The following PHF21A variants were observed in gnomAD, a reference collection of about 807,000 sequenced individuals.
PHF21A encodes PHD finger protein 21A, also known as BHC80a.
In PHF21A, 11 loss-of-function variants were observed where a neutral mutation model predicts 82.5. That is an observed-to-expected ratio of 0.13 (90% CI 0.08 to 0.22). The LOEUF (loss-of-function observed/expected upper bound fraction) is 0.22. Ranked by LOEUF, PHF21A falls within the 10% of genes least tolerant of loss-of-function variation. The pLI, the probability that PHF21A is intolerant of heterozygous loss-of-function variation, is 1.00. For synonymous variants in PHF21A, 297 were observed against 302.8 expected, an observed-to-expected ratio of 0.98 and a Z score of 0.20; for missense variants, 579 against 837.8, an observed-to-expected ratio of 0.69 and a Z score of 3.81.
chr11:45,988,826 G>A lies in PHF21A; in HGVS notation c.154-8860C>T, dbSNP rs572997942. Among the ~76,000 whole-genome samples the A allele has an allele frequency of 1.4e-4, 21 of 152,314 alleles. No homozygotes were observed. The East Asian group carries it at 2.7e-3, about 20-fold the overall frequency. On this transcript the variant is annotated intron_variant, in intron 6 of 18. Coordinates refer to ENST00000676320, the MANE Select transcript of PHF21A (RefSeq NM_001352027.3). ...GAACTGCTTGAACTCAGGAGGTGGAGGTTGCAGTGAGCCATGATCCTGCCA... is the reference window on the plus strand; with the variant it reads ...GAACTGCTTGAACTCAGGAGGTGGAAGTTGCAGTGAGCCATGATCCTGCCA...
At chr11:46,064,675 G>C (rs1311221381) in intron 6 of PHF21A, among the ~76,000 whole-genome samples, 1 of 151,972 alleles carries the variant, frequency 6.6e-6, no homozygotes, top group Non-Finnish European at 1.5e-5. Flanking sequence ...ATATGATTTG[G>C]CCTGTCATTT....
chr11:46,108,914 A>G (rs1307734222), intron 1 of PHF21A, among the ~76,000 whole-genome samples: 2 of 152,186 alleles, frequency 1.3e-5, no homozygotes, highest in Non-Finnish European at 1.5e-5. Flanking sequence ...ATGCTTGGCA[A>G]TGGATATACA....
rs377000937 is a variant in PHF21A, at chr11:45,969,834, C to T, written c.683G>A (p.Arg228His). The change falls in exon 9 of 19, where the codon CGT becomes CAT. Residue 228 changes from arginine to histidine, a missense_variant. By Grantham distance (29) the Arg-to-His change is conservative (BLOSUM62 0). Around this residue, in one of 3 missense-constraint regions of PHF21A, gnomAD observed 410 missense variants for 642.1 expected, o/e 0.64. Transcript: ENST00000676320. ...ACTCACCTGTGGAAGAAAGTTTGGA[C>T]GTGGAGTGAGTCTAGGAGGGGGGAT... The part of the protein sequence containing the change: ...QFIPPPRLTP[R>H]PNFLPQVRPK... The T allele has an allele frequency of 6.8e-6, 11 of 1,612,900 alleles. No individual in the cohort carries two copies. The highest frequency in any genetic ancestry group is 4.0e-5 in the African/African-American group (3 of 74,872).
At chr11:46,108,122 CTATT>C (rs773798520) in intron 1 of PHF21A, among the ~76,000 whole-genome samples, 2 of 152,194 alleles carry the variant, frequency 1.3e-5, no homozygotes, top group Non-Finnish European at 2.9e-5. Context: ...CAATTCTTGC[CTATT>C]TACTTTGTAA....
At chr11:46,025,017 G>A (rs868835306) in intron 6 of PHF21A, among the ~76,000 whole-genome samples, 5 of 151,920 alleles carry the variant, frequency 3.3e-5, no homozygotes, top group African/African-American at 1.2e-4. Flanking sequence ...GTTCCACCTC[G>A]CTTCTTAATC....
At chr11:45,981,251 T>C (rs1270847646) in intron 6 of PHF21A, among the ~76,000 whole-genome samples, 6 of 151,840 alleles carry the variant, frequency 4.0e-5, no homozygotes, top group African/African-American at 1.5e-4. Flanking sequence ...CCAAGCATGG[T>C]GGCACACACC....
chr11:46,045,990 G>C (rs1486382887), intron 6 of PHF21A, among the ~76,000 whole-genome samples: 1 of 152,066 alleles, frequency 6.6e-6, no homozygotes, highest in Non-Finnish European at 1.5e-5. Flanking sequence ...ATACATTTTG[G>C]GAAGAAAAGA....
intron 6 of PHF21A, among the ~76,000 whole-genome samples, chr11:46,032,952 T>C (rs2095898235): frequency 6.6e-6 from 1 of 152,208 alleles, no homozygotes; most frequent in African/African-American, 2.4e-5. Flanking sequence ...AGGCTAGTTT[T>C]GGTACCTCTG....
At chr11:45,982,862 G>T (rs2094354029) in intron 6 of PHF21A, among the ~76,000 whole-genome samples, 1 of 152,120 alleles carries the variant, frequency 6.6e-6, no homozygotes, top group Admixed American at 6.6e-5. Flanking sequence ...CATGACACCT[G>T]CCAAAAAATA....
chr11:45,975,879 C>T (rs527574048), intron 7 of PHF21A, among the ~76,000 whole-genome samples: 1 of 152,230 alleles, frequency 6.6e-6, no homozygotes, highest in African/African-American at 2.4e-5. Context: ...CCTGGCCCCC[C>T]GATTGCTACT....
Position 45,936,543 on chromosome 11 carries a change from T to C in PHF21A, c.1635A>G (p.Pro545=). Residue 545 remains proline (P), a synonymous_variant, in exon 17 of 19, where the codon CCA becomes CCG. Transcript: ENST00000676320. ...GAACAATTGCTAAAGTTCCAGGCCA[T>C]GGAATTGCTTCTTCCTTCTTCAGCA... is the stretch of plus-strand genomic sequence containing the variant. ...DQMLKKEEAI[P]WPGTLAIVHS... is the part of the protein sequence containing the mutation. The C allele has an allele frequency of 6.2e-7, 1 of 1,613,386 alleles. No individual in the cohort carries two copies. The highest frequency in any genetic ancestry group is 8.5e-7 in the Non-Finnish European group (1 of 1,179,288).
chr11:46,097,067 C>T (rs1593178527), intron 1 of PHF21A, among the ~76,000 whole-genome samples: 1 of 152,100 alleles, frequency 6.6e-6, no homozygotes, highest in African/African-American at 2.4e-5. Flanking sequence ...CACCATGACC[C>T]CCTTGCCTCA....
intron 6 of PHF21A, among the ~76,000 whole-genome samples, chr11:46,072,328 G>A (rs1183573789): frequency 6.6e-6 from 1 of 152,216 alleles, no homozygotes; most frequent in Non-Finnish European, 1.5e-5. Flanking sequence ...TGGAAGTGGT[G>A]CATGCAACTT....
At chr11:46,074,563 C>T (rs2096703539) in intron 6 of PHF21A, among the ~76,000 whole-genome samples, 1 of 152,100 alleles carries the variant, frequency 6.6e-6, no homozygotes, top group Admixed American at 6.5e-5. Flanking sequence ...AGTGCAGTGG[C>T]ATGGTCTTGG....
At chr11:46,115,905 G>A (rs966640065) in intron 1 of PHF21A, among the ~76,000 whole-genome samples, 1 of 152,118 alleles carries the variant, frequency 6.6e-6, no homozygotes, top group Non-Finnish European at 1.5e-5. Flanking sequence ...ACTGTCTGTA[G>A]GATGAAAAAG....
At chr11:46,031,796 C>T (rs947075663) in intron 6 of PHF21A, among the ~76,000 whole-genome samples, 11 of 152,080 alleles carry the variant, frequency 7.2e-5, no homozygotes, top group African/African-American at 7.2e-5. Context: ...TAACACTATA[C>T]GCAAAAGCTG....
At chr11:45,987,119 G>A (rs1291706719) in intron 6 of PHF21A, among the ~76,000 whole-genome samples, 1 of 152,104 alleles carries the variant, frequency 6.6e-6, no homozygotes, top group Admixed American at 6.5e-5. Context: ...AGTGGCTCAT[G>A]CCTGTAGTCC....
intron 6 of PHF21A, among the ~76,000 whole-genome samples, chr11:45,998,918 G>A (rs2095015883): frequency 6.6e-6 from 1 of 151,960 alleles, no homozygotes; most frequent in Non-Finnish European, 1.5e-5. Flanking sequence ...TGACTCTTGG[G>A]TTCAAGCAAT....
chr11:45,938,361 T>C, intron 15 of PHF21A, 49 bp from the exon 16 acceptor site: 1 of 1,512,910 alleles, frequency 6.6e-7, no homozygotes, highest in East Asian at 2.3e-5. Context: ...AAGGTAAAAT[T>C]TTAATGTTAA....
Sources: gnomAD v4.1 joint callset for allele counts (sites outside exome capture counted in the v4.1 genomes callset) on GRCh38, gnomAD v4.1.1 for gene constraint, gnomAD v4.1.1 regional missense constraint, MANE v1.5 for transcripts, NCBI Gene and HGNC (gene_info 2026-07-23, HGNC 2026-07-21) for gene names.